Variants in STXBP5L observed in about 807,000 individuals in gnomAD.
STXBP5L encodes the protein syntaxin binding protein 5L.
STXBP5L carries 65 observed loss-of-function variants against 144.5 expected under a neutral mutation model. The ratio of observed to expected loss-of-function variants is 0.45; its 90% CI spans 0.37 to 0.55. STXBP5L has a LOEUF of 0.55. STXBP5L is among the 20% of genes least tolerant of loss of function. The pLI, the probability that STXBP5L is intolerant of heterozygous loss-of-function variation, is 0.00. For missense variants in STXBP5L, 1,298 were observed against 1,405.5 expected (o/e 0.92, Z 1.22); for synonymous variants, 505 against 469.6 (o/e 1.08, Z -0.97).
At chr3:121,066,203 C>G (rs373057346) in intron 5 of STXBP5L, among the ~76,000 whole-genome samples, 1 of 152,030 alleles carries the variant, frequency 6.6e-6, no homozygotes, top group African/African-American at 2.4e-5. Context: ...ACAGTACTGA[C>G]TAAAATGGAA....
chr3:121,221,154 T>A (rs1275100386), intron 10 of STXBP5L, among the ~76,000 whole-genome samples: 2 of 151,954 alleles, frequency 1.3e-5, no homozygotes, highest in Non-Finnish European at 2.9e-5. Context: ...CATGAGTGGT[T>A]CCCTGAGCAC....
chr3:120,954,212 TTTC>T (rs1937766674), intron 2 of STXBP5L, among the ~76,000 whole-genome samples: 1 of 152,174 alleles, frequency 6.6e-6, no homozygotes, highest in African/African-American at 2.4e-5. Context: ...TTTCTAATAA[TTTC>T]TTAACATTTT....
intron 9 of STXBP5L, 188 bp downstream of exon 9, chr3:121,157,815 C>T (rs1296209254): frequency 7.1e-6 from 5 of 700,940 alleles, no homozygotes; most frequent in South Asian, 2.3e-5. Flanking sequence ...TCCCTTCTTC[C>T]TACCAACCCA....
At chr3:121,241,641 G>A (rs2108338532) in intron 14 of STXBP5L, among the ~76,000 whole-genome samples, 1 of 152,274 alleles carries the variant, frequency 6.6e-6, no homozygotes, top group East Asian at 1.9e-4. Flanking sequence ...CTGCCTAGCA[G>A]TAATGAGTAG....
intron 7 of STXBP5L, among the ~76,000 whole-genome samples, chr3:121,126,426 G>C (rs763998396): frequency 6.6e-6 from 1 of 152,104 alleles, no homozygotes; most frequent in Admixed American, 6.6e-5. Flanking sequence ...TTTGAAGTTA[G>C]GTTGTCTCCT....
intron 18 of STXBP5L, among the ~76,000 whole-genome samples, chr3:121,268,381 A>G (rs1020222420): frequency 6.6e-6 from 1 of 152,034 alleles, no homozygotes; most frequent in Non-Finnish European, 1.5e-5. Flanking sequence ...CAGGGAGGGG[A>G]ACATCACACA....
chr3:121,136,014 G>A (rs555310114), intron 7 of STXBP5L, among the ~76,000 whole-genome samples: 3 of 152,244 alleles, frequency 2.0e-5, no homozygotes, highest in South Asian at 4.1e-4. Context: ...CATGACCGCT[G>A]ACCGACTACA....
At chr3:121,413,436 A>T (rs1471093173) in intron 24 of STXBP5L, 113 bp downstream of exon 24, 2 of 917,666 alleles carry the variant, frequency 2.2e-6, no homozygotes, top group Admixed American at 6.7e-5. Flanking sequence ...CCCTTCCAAT[A>T]ACATGTTTTG....
chr3:120,988,775 A>G (rs922921591), intron 3 of STXBP5L, among the ~76,000 whole-genome samples: 1 of 152,024 alleles, frequency 6.6e-6, no homozygotes, highest in Non-Finnish European at 1.5e-5. Flanking sequence ...AATAGTGTCC[A>G]TTGTACCCAC....
chr3:121,174,199 T>G (rs149818750), intron 9 of STXBP5L, among the ~76,000 whole-genome samples: 2,231 of 152,276 alleles, frequency 0.015, 25 homozygotes, highest in Middle Eastern at 0.027. Context: ...GCATTTCTCT[T>G]GACTGCAAAT....
At chr3:121,172,078 C>T (rs116268198) in intron 9 of STXBP5L, among the ~76,000 whole-genome samples, 5,410 of 152,146 alleles carry the variant, frequency 0.036, 147 homozygotes, top group Middle Eastern at 0.082. Context: ...CTTTGACAAA[C>T]GTGACAAAAA....
rs201953047 is a variant in STXBP5L at position 121,335,942 on chromosome 3, T to C, written c.2176+17402T>C. On this transcript the variant is annotated intron_variant, in intron 20 of 26. Coordinates refer to ENST00000471454, the MANE Select transcript of STXBP5L (RefSeq NM_001308330.2). ...ATGGGATATAATTAAACTTAAGAGCTTCTGCACAGCAAAAGAAACAATTAA... is the reference window on the plus strand; with the variant it reads ...ATGGGATATAATTAAACTTAAGAGCCTCTGCACAGCAAAAGAAACAATTAA... 7.2e-5 allele frequency among the ~76,000 whole-genome samples: 11 copies of C among 152,184 alleles called. No homozygotes were observed. The East Asian group carries it at 2.1e-3, about 29-fold the overall frequency.
At chr3:121,050,651 C>G (rs1947898738) in intron 5 of STXBP5L, among the ~76,000 whole-genome samples, 2 of 152,106 alleles carry the variant, frequency 1.3e-5, no homozygotes, top group Admixed American at 6.6e-5. Flanking sequence ...TAAAGACCAT[C>G]AAGGCTAGGA....
chr3:121,336,390 A>C (rs149666645), intron 20 of STXBP5L, among the ~76,000 whole-genome samples: 48 of 152,156 alleles, frequency 3.2e-4, no homozygotes, highest in African/African-American at 1.1e-3. Flanking sequence ...CTAGCTACTC[A>C]GGAGGCTGAG....
intron 3 of STXBP5L, among the ~76,000 whole-genome samples, chr3:120,978,260 C>A (rs1342370283): frequency 6.6e-6 from 1 of 152,140 alleles, no homozygotes; most frequent in East Asian, 1.9e-4. Flanking sequence ...ATTCTTTTTT[C>A]TCTAAACTTC....
intron 18 of STXBP5L, among the ~76,000 whole-genome samples, chr3:121,260,184 T>C (rs1476559795): frequency 6.6e-6 from 1 of 152,090 alleles, no homozygotes. Context: ...GTAAAATTTT[T>C]GTATATCTTA....
chr3:120,985,732 C>A (rs1418108280), intron 3 of STXBP5L, among the ~76,000 whole-genome samples: 4 of 151,876 alleles, frequency 2.6e-5, no homozygotes, highest in Non-Finnish European at 4.4e-5. Flanking sequence ...ATTGCCTTAT[C>A]ATCCTTTTTA....
At chr3:121,091,196 G>A (rs2107733729) in intron 5 of STXBP5L, among the ~76,000 whole-genome samples, 1 of 147,016 alleles carries the variant, frequency 6.8e-6, no homozygotes, top group East Asian at 2.0e-4. Flanking sequence ...CATTTGGATT[G>A]GTTCCAAGTC....
At chr3:121,151,419 CT>C (rs1234798893) in intron 7 of STXBP5L, among the ~76,000 whole-genome samples, 2 of 151,884 alleles carry the variant, frequency 1.3e-5, no homozygotes, top group Non-Finnish European at 1.5e-5. Flanking sequence ...TATTTGAAAC[CT>C]TTTGTGTTTT....
Sources: allele counts gnomAD v4.1 joint callset (sites outside exome capture counted in the v4.1 genomes callset), GRCh38; gene constraint gnomAD v4.1.1; transcripts MANE v1.5; gene names NCBI Gene and HGNC (gene_info 2026-07-23, HGNC 2026-07-21).